Variants in TRPC4 observed in about 807,000 individuals in gnomAD.
The protein encoded by TRPC4 is transient receptor potential cation channel subfamily C member 4, also known as short transient receptor potential channel 4.
A neutral mutation model predicts 99.4 loss-of-function variants in TRPC4; 49 were observed. The ratio of observed to expected loss-of-function variants is 0.49; its 90% CI spans 0.39 to 0.63. The LOEUF (loss-of-function observed/expected upper bound fraction) is 0.63. Ranked by LOEUF, TRPC4 falls within the 20% of genes least tolerant of loss-of-function variation. TRPC4 has a pLI of 0.00. For missense variants in TRPC4, 898 were observed against 1,152.9 expected, an observed-to-expected ratio of 0.78 and a Z score of 3.20; for synonymous variants, 454 against 425.9, an observed-to-expected ratio of 1.07 and a Z score of -0.81.
intron 4 of TRPC4, among the ~76,000 whole-genome samples, chr13:37,681,245 T>C (rs1174443902): frequency 6.6e-6 from 1 of 152,172 alleles, no homozygotes; most frequent in Non-Finnish European, 1.5e-5. Context: ...ATATTACAAT[T>C]CCTCTGGAGA....
chr13:37,741,400 C>G (rs1481359875), intron 3 of TRPC4, among the ~76,000 whole-genome samples: 4 of 152,162 alleles, frequency 2.6e-5, no homozygotes, highest in Admixed American at 2.6e-4. Context: ...CTTTATGTTA[C>G]ACACAGGGCA....
In TRPC4 at chr13:37,674,809, T is replaced by C. The variant is rs1382173069; in HGVS notation, c.1235-442A>G. ...ACAATTAGTGGAGTATCTTGTTGTG[T>C]TTCTTTAAGCAGTTAGTGCCTTCAG... On this transcript the variant is annotated intron_variant, in intron 4 of 10. Transcript: ENST00000379705. 2.0e-5 allele frequency among the ~76,000 whole-genome samples: 3 copies of C among 152,194 alleles called. No homozygotes were observed. The East Asian group carries it at 5.8e-4, about 29-fold the overall frequency.
At chr13:37,715,485 CA>C (rs1954630364) in intron 3 of TRPC4, among the ~76,000 whole-genome samples, 1 of 152,100 alleles carries the variant, frequency 6.6e-6, no homozygotes, top group African/African-American at 2.4e-5. Context: ...GGGGAAGAAT[CA>C]AATGAGATAA....
At chr13:37,867,275 C>T (rs1047744993) in intron 1 of TRPC4, among the ~76,000 whole-genome samples, 1 of 151,836 alleles carries the variant, frequency 6.6e-6, no homozygotes, top group Non-Finnish European at 1.5e-5. Flanking sequence ...TACTATTGAA[C>T]AAATGTGTGC....
intron 3 of TRPC4, among the ~76,000 whole-genome samples, chr13:37,699,552 C>A (rs1954033412): frequency 6.6e-6 from 1 of 152,136 alleles, no homozygotes; most frequent in African/African-American, 2.4e-5. Flanking sequence ...GAAACATTGG[C>A]TAAAATGCTT....
intron 1 of TRPC4, among the ~76,000 whole-genome samples, chr13:37,855,585 C>T (rs78830180): frequency 0.036 from 5,450 of 151,634 alleles, 162 homozygotes; most frequent in African/African-American, 0.08. Context: ...ATATACATTC[C>T]TTGCTTCAGC....
chr13:37,655,011 G>T, intron 7 of TRPC4, 77 bp downstream of exon 7: 2 of 1,115,332 alleles, frequency 1.8e-6, no homozygotes, highest in South Asian at 2.8e-5. Flanking sequence ...TATTTACGAT[G>T]ATAAGAAGAT....
intron 1 of TRPC4, among the ~76,000 whole-genome samples, chr13:37,831,665 A>C (rs937038096): frequency 6.6e-6 from 1 of 152,226 alleles, no homozygotes; most frequent in African/African-American, 2.4e-5. Context: ...ATAAAGAAAA[A>C]AATGCTGTAT....
chr13:37,829,454 C>G (rs1958346909), intron 1 of TRPC4, among the ~76,000 whole-genome samples: 1 of 151,960 alleles, frequency 6.6e-6, no homozygotes, highest in Non-Finnish European at 1.5e-5. Context: ...AAAACAAAAA[C>G]AAAAAGAAAA....
At chr13:37,825,834 C>G (rs1593267453) in intron 1 of TRPC4, among the ~76,000 whole-genome samples, 1 of 151,884 alleles carries the variant, frequency 6.6e-6, no homozygotes, top group Middle Eastern at 3.4e-3. Flanking sequence ...TCCTTGTTGA[C>G]TTTCTGTCTC....
intron 3 of TRPC4, among the ~76,000 whole-genome samples, chr13:37,741,453 G>T (rs1413001): frequency 6.6e-6 from 1 of 152,136 alleles, no homozygotes; most frequent in African/African-American, 2.4e-5. Context: ...TTTGTTTCCA[G>T]TTTCCTTTGT....
chr13:37,803,791 G>T (rs1215137763), intron 1 of TRPC4, among the ~76,000 whole-genome samples: 1 of 152,000 alleles, frequency 6.6e-6, no homozygotes, highest in Non-Finnish European at 1.5e-5. Flanking sequence ...AGATGTGAAG[G>T]AACAGCAATG....
At chr13:37,733,221 C>A (rs1363810245) in intron 3 of TRPC4, among the ~76,000 whole-genome samples, 2 of 152,054 alleles carry the variant, frequency 1.3e-5, no homozygotes, top group Admixed American at 6.6e-5. Context: ...TGTAATGAAC[C>A]AAGACAGCAC....
chr13:37,690,869 C>G (rs796901571), intron 4 of TRPC4, among the ~76,000 whole-genome samples: 8 of 151,596 alleles, frequency 5.3e-5, no homozygotes, highest in African/African-American at 1.9e-4. Context: ...GAGAGTTAAC[C>G]CAAACTGATA....
intron 1 of TRPC4, among the ~76,000 whole-genome samples, chr13:37,789,030 T>C (rs1228520483): frequency 2.0e-5 from 3 of 152,272 alleles, no homozygotes; most frequent in Admixed American, 6.5e-5. Flanking sequence ...ATTTTAGTCA[T>C]GCATACTTCC....
At chr13:37,839,363 T>A (rs940699801) in intron 1 of TRPC4, among the ~76,000 whole-genome samples, 1 of 152,190 alleles carries the variant, frequency 6.6e-6, no homozygotes. Flanking sequence ...CTTTAAAGCT[T>A]AGATACCATC....
At chr13:37,765,889 AAACG>A (rs1956350724) in intron 2 of TRPC4, among the ~76,000 whole-genome samples, 2 of 151,462 alleles carry the variant, frequency 1.3e-5, no homozygotes, top group Non-Finnish European at 3.0e-5. Context: ...TTAAATGCAC[AAACG>A]AACATGTACT....
At chr13:37,845,675 C>T (rs1389617877) in intron 1 of TRPC4, among the ~76,000 whole-genome samples, 2 of 151,184 alleles carry the variant, frequency 1.3e-5, no homozygotes, top group Non-Finnish European at 3.0e-5. Flanking sequence ...TTATGGAACA[C>T]CATAAAGCAA....
At chr13:37,686,906 G>C (rs1953500267) in intron 4 of TRPC4, among the ~76,000 whole-genome samples, 1 of 152,072 alleles carries the variant, frequency 6.6e-6, no homozygotes, top group Non-Finnish European at 1.5e-5. Flanking sequence ...TTTCTCATAG[G>C]AGCAAAGTAT....
Sources: allele counts gnomAD v4.1 joint callset (sites outside exome capture counted in the v4.1 genomes callset), GRCh38; gene constraint gnomAD v4.1.1; transcripts MANE v1.5; gene names NCBI Gene and HGNC (gene_info 2026-07-23, HGNC 2026-07-21).